The following RGS8 variants were observed in gnomAD, a reference collection of about 807,000 sequenced individuals.
RGS8 encodes regulator of G protein signaling 8, also known as regulator of G-protein signaling 8.
RGS8 carries 8 observed loss-of-function variants against 21.7 expected under a neutral mutation model. That is an observed-to-expected ratio of 0.37 (90% CI 0.22 to 0.66). The LOEUF (loss-of-function observed/expected upper bound fraction) is 0.66, where lower values mean the gene tolerates loss of function less well. RGS8 is among the 30% of genes least tolerant of loss of function. RGS8 has a pLI of 0.59. For synonymous variants in RGS8, 80 were observed against 83.6 expected (o/e 0.96, Z 0.24); for missense variants, 157 against 217.9 (o/e 0.72, Z 1.76).
chr1:182,669,858 T>TC (rs903876554), intron 2 of RGS8, 106 bp from the exon 4 acceptor site: 75 of 1,252,620 alleles, frequency 6.0e-5, no homozygotes, highest in Non-Finnish European at 7.6e-5. Flanking sequence ...CCCACACACA[T>TC]CCCCCCAGCC....
At chr1:182,712,244 G>A in the RGS8 span, among the ~76,000 whole-genome samples, 2 of 152,170 alleles carry the variant, frequency 1.3e-5, no homozygotes, top group African/African-American at 4.8e-5. Flanking sequence ...CATCCATGAA[G>A]TACCCATGAA....
intron 5 of RGS8, among the ~76,000 whole-genome samples, chr1:182,651,676 C>T (rs1422517161): frequency 3.3e-5 from 5 of 152,252 alleles, no homozygotes; most frequent in Non-Finnish European, 7.3e-5. Context: ...CTGTCCTCTC[C>T]ATGGAGAAGA....
chr1:182,742,611 C>A, the RGS8 span, among the ~76,000 whole-genome samples: 7 of 152,350 alleles, frequency 4.6e-5, no homozygotes, highest in South Asian at 1.5e-3. Context: ...TGGTGGCGCG[C>A]GCCTGCAATC....
the RGS8 span, among the ~76,000 whole-genome samples, chr1:182,721,122 T>C: frequency 6.7e-6 from 1 of 149,252 alleles, no homozygotes; most frequent in Non-Finnish European, 1.5e-5. Flanking sequence ...TATATGATTT[T>C]AATCTCCCTG....
At chr1:182,681,104 T>C (rs1664521607) in intron 1 of RGS8, among the ~76,000 whole-genome samples, 1 of 151,996 alleles carries the variant, frequency 6.6e-6, no homozygotes. Context: ...AAACATTGAG[T>C]CACAGGGAGA....
chr1:182,711,772 A>G, the RGS8 span, among the ~76,000 whole-genome samples: 1 of 152,146 alleles, frequency 6.6e-6, no homozygotes, highest in Admixed American at 6.5e-5. Flanking sequence ...TAAGTTCCAA[A>G]AATCTCCAGA....
At chr1:182,708,655 C>T in the RGS8 span, among the ~76,000 whole-genome samples, 2 of 152,236 alleles carry the variant, frequency 1.3e-5, no homozygotes, top group African/African-American at 4.8e-5. Context: ...CAGACAGAGA[C>T]CACTTGTGTC....
At chr1:182,655,173 G>T (rs1366618894) in intron 5 of RGS8, among the ~76,000 whole-genome samples, 1 of 152,194 alleles carries the variant, frequency 6.6e-6, no homozygotes. Context: ...AAGTGGCAAG[G>T]ATGCTAAACT....
At chr1:182,673,578 T>C (rs147552352), upstream of RGS8, among the ~76,000 whole-genome samples, 43 of 152,322 alleles carry the variant, frequency 2.8e-4, 3 homozygotes, top group East Asian at 8.3e-3. Context: ...ATTCTGATGC[T>C]GCCTCCACAG....
the RGS8 span, among the ~76,000 whole-genome samples, chr1:182,724,647 T>TC: frequency 6.6e-6 from 1 of 152,158 alleles, no homozygotes; most frequent in African/African-American, 2.4e-5. Flanking sequence ...AACCTCTGCC[T>TC]CCTGGGTTCA....
downstream of RGS8, chr1:182,642,008 A>C (rs886640013): frequency 4.6e-5 from 7 of 152,064 alleles, no homozygotes; most frequent in Admixed American, 1.3e-4. Context: ...CCGGGGTTGG[A>C]GCGCACACCG....
the RGS8 span, among the ~76,000 whole-genome samples, chr1:182,739,792 C>T: frequency 1.3e-5 from 2 of 152,096 alleles, no homozygotes; most frequent in East Asian, 3.9e-4. Context: ...AGTTACCTGG[C>T]AACAGCGACA....
intron 5 of RGS8, among the ~76,000 whole-genome samples, chr1:182,654,841 T>C (rs1368168336): frequency 6.6e-6 from 1 of 152,154 alleles, no homozygotes; most frequent in Non-Finnish European, 1.5e-5. Flanking sequence ...ACCCATCAGT[T>C]CCAGGCTGGC....
the RGS8 span, among the ~76,000 whole-genome samples, chr1:182,716,369 G>T: frequency 1.3e-5 from 2 of 151,916 alleles, no homozygotes; most frequent in African/African-American, 2.4e-5. Flanking sequence ...CAGCCAATCT[G>T]CCCACCTTGG....
chr1:182,692,421 G>T, the RGS8 span, among the ~76,000 whole-genome samples: 1 of 151,938 alleles, frequency 6.6e-6, no homozygotes, highest in African/African-American at 2.4e-5. Context: ...AACCAGGGAG[G>T]TGAAAGATCT....
chr1:182,684,098 T>C lies in RGS8; in HGVS notation n.221+258A>G, dbSNP rs943361707. 5.3e-5 allele frequency among the ~76,000 whole-genome samples: 8 copies of C among 152,200 alleles called. No homozygotes were observed. In the East Asian group the frequency reaches 1.5e-3, roughly 29 times the overall value. On this transcript the variant is annotated intron_variant and non_coding_transcript_variant, in intron 1 of 4. Transcript: ENST00000515211. The surrounding 1 kb of genome is among the most constrained non-coding windows in gnomAD (Gnocchi z 4.2). Reference sequence around the variant, plus strand: ...AGGAGTTAGGGTTGAGGAAGGAGGATGGAGAACACAAAGGACATTTGAGGC... The same window carrying C: ...AGGAGTTAGGGTTGAGGAAGGAGGACGGAGAACACAAAGGACATTTGAGGC...
At chr1:182,649,014 T>G (rs1662853341) in intron 5 of RGS8, among the ~76,000 whole-genome samples, 1 of 151,396 alleles carries the variant, frequency 6.6e-6, no homozygotes, top group Non-Finnish European at 1.5e-5. Context: ...GTGGGAGAAT[T>G]GCTTGAACCT....
chr1:182,681,407 C>T (rs1664531174), intron 1 of RGS8, among the ~76,000 whole-genome samples: 1 of 152,188 alleles, frequency 6.6e-6, no homozygotes, highest in Non-Finnish European at 1.5e-5. Context: ...CAGCACTCTC[C>T]CCCTTCTCTG....
chr1:182,700,334 C>G, the RGS8 span, among the ~76,000 whole-genome samples: 2 of 152,160 alleles, frequency 1.3e-5, no homozygotes, highest in Non-Finnish European at 2.9e-5. Flanking sequence ...CCCAACATGA[C>G]CCCCAAAACA....
Sources: allele counts gnomAD v4.1 joint callset (sites outside exome capture counted in the v4.1 genomes callset), GRCh38; gene constraint gnomAD v4.1.1; non-coding constraint Gnocchi (gnomAD v3.1); transcripts MANE v1.5; gene names NCBI Gene and HGNC (gene_info 2026-07-23, HGNC 2026-07-21).